Variants in PTPRN2 observed in about 807,000 individuals in gnomAD.
PTPRN2 encodes protein tyrosine phosphatase receptor type N2, also known as receptor-type tyrosine-protein phosphatase N2.
In PTPRN2, 74 loss-of-function variants were observed where a neutral mutation model predicts 118.8. The ratio of observed to expected loss-of-function variants is 0.62; its 90% CI spans 0.52 to 0.76. The LOEUF is 0.76. PTPRN2 is among the 30% of genes least tolerant of loss of function. The pLI is 0.00. For synonymous variants in PTPRN2, 641 were observed against 608.0 expected, an observed-to-expected ratio of 1.05 and a Z score of -0.80; for missense variants, 1,481 against 1,394.4, an observed-to-expected ratio of 1.06 and a Z score of -0.99.
At chr7:158,280,258 G>A (rs539252180) in intron 3 of PTPRN2, among the ~76,000 whole-genome samples, 3 of 152,308 alleles carry the variant, frequency 2.0e-5, no homozygotes, top group Middle Eastern at 3.4e-3. Context: ...GGTCCTCTCC[G>A]GCCTGAAGCT....
intron 17 of PTPRN2, among the ~76,000 whole-genome samples, chr7:157,593,850 CA>C (rs1162094018): frequency 1.3e-5 from 2 of 152,210 alleles, no homozygotes; most frequent in African/African-American, 4.8e-5. Context: ...CAAGTGCCCC[CA>C]AAACCATCCA....
chr7:157,549,692 T>G (rs1422179945), intron 21 of PTPRN2, among the ~76,000 whole-genome samples: 3 of 152,234 alleles, frequency 2.0e-5, no homozygotes, highest in Admixed American at 6.5e-5. Flanking sequence ...ATATTGTTAT[T>G]TTTCCATTTT....
intron 2 of PTPRN2, among the ~76,000 whole-genome samples, chr7:158,320,692 T>C (rs979318877): frequency 1.3e-5 from 2 of 149,020 alleles, no homozygotes; most frequent in African/African-American, 2.4e-5. Flanking sequence ...TTTTCAACAA[T>C]GATATTCATC....
At chr7:158,495,852 T>C (rs1821804225) in intron 1 of PTPRN2, among the ~76,000 whole-genome samples, 1 of 152,082 alleles carries the variant, frequency 6.6e-6, no homozygotes, top group East Asian at 1.9e-4. Flanking sequence ...GGCATCTGGC[T>C]TCTGTGGCCC....
At chr7:157,988,988 G>C (rs1311559662) in intron 11 of PTPRN2, among the ~76,000 whole-genome samples, 2 of 152,196 alleles carry the variant, frequency 1.3e-5, no homozygotes, top group East Asian at 3.9e-4. Context: ...AAAAAGGCAA[G>C]ACCTAAATCC....
At chr7:158,451,036 C>T (rs1360323628) in intron 2 of PTPRN2, among the ~76,000 whole-genome samples, 1 of 152,234 alleles carries the variant, frequency 6.6e-6, no homozygotes, top group Non-Finnish European at 1.5e-5. Flanking sequence ...CCGGTTTTTG[C>T]CCGTCTAGTA....
chr7:158,277,009 G>A (rs1300150065), intron 3 of PTPRN2, among the ~76,000 whole-genome samples: 2 of 152,154 alleles, frequency 1.3e-5, no homozygotes, highest in Admixed American at 1.3e-4. Context: ...GGGGTGGGGG[G>A]CACTGACTGG....
rs79702110 is a variant in PTPRN2 at position 157,549,322 on chromosome 7, C to T, written c.2903-303G>A. ...GTACTGGTTTTCTTTTCTTTCTTTT[C>T]TTTTTTTTTTTTTTTGTGACACTTC... is the stretch of plus-strand genomic sequence containing the variant. On this transcript the variant is annotated intron_variant, in intron 21 of 22. Coordinates refer to ENST00000389418, the MANE Select transcript of PTPRN2 (RefSeq NM_002847.5). Among the ~76,000 whole-genome samples the T allele has an allele frequency of 3.2e-3, 448 of 139,506 alleles. 1 individual carries two copies. Among genetic ancestry groups the T allele is most frequent in the African/African-American group, 0.011 (424 of 38,064 alleles). 91.5% of individuals were successfully genotyped at this position (139,506 alleles called of 152,430 possible). A position where few individuals can be genotyped will look rare whatever the true frequency, so the allele number is the denominator to read the frequency against.
At chr7:158,078,938 C>A (rs1286347421) in intron 11 of PTPRN2, among the ~76,000 whole-genome samples, 1 of 152,192 alleles carries the variant, frequency 6.6e-6, no homozygotes. Flanking sequence ...ACCTCTGCCT[C>A]TTGGGTTTAA....
Position 157,646,131 on chromosome 7 carries a change from G to A in PTPRN2, c.2196+10226C>T, listed in dbSNP as rs540744427. Among the ~76,000 whole-genome samples, 239 of 152,316 alleles carry A rather than the reference G, an allele frequency of 1.6e-3. 3 individuals are homozygous for A. The highest frequency in any genetic ancestry group is 1.6e-3 in the Non-Finnish European group (112 of 68,044). ...CAACTGTTTGCCAGGCACACAGTAG[G>A]CGCTGCCTCCGCATGGCCTTGTGAT... On this transcript the variant is annotated intron_variant, in intron 14 of 22. Transcript: ENST00000389418.
At chr7:157,843,119 C>T (rs1457562467) in intron 12 of PTPRN2, among the ~76,000 whole-genome samples, 2 of 152,214 alleles carry the variant, frequency 1.3e-5, no homozygotes, top group Admixed American at 6.5e-5. Flanking sequence ...CACACCAATA[C>T]TTTACACAGA....
chr7:158,244,808 G>C (rs576769023), intron 3 of PTPRN2, among the ~76,000 whole-genome samples: 1 of 147,062 alleles, frequency 6.8e-6, no homozygotes. Context: ...AGTTGTGTGT[G>C]AGAGTGTGTA....
At chr7:158,340,360 A>T (rs1563173847) in intron 2 of PTPRN2, among the ~76,000 whole-genome samples, 1 of 91,256 alleles carries the variant, frequency 1.1e-5, no homozygotes, top group Admixed American at 1.2e-4. Flanking sequence ...GCTGAGGCCC[A>T]CAGAGGTCAC....
At chr7:158,277,410 C>T (rs1034002584) in intron 3 of PTPRN2, among the ~76,000 whole-genome samples, 1 of 152,284 alleles carries the variant, frequency 6.6e-6, no homozygotes, top group Non-Finnish European at 1.5e-5. Flanking sequence ...CGGGCCCAGG[C>T]CTGATGGAGA....
intron 12 of PTPRN2, among the ~76,000 whole-genome samples, chr7:157,693,118 C>T (rs1337558563): frequency 6.8e-6 from 1 of 147,160 alleles, no homozygotes; most frequent in Non-Finnish European, 1.5e-5. Context: ...ACTCGGGAGC[C>T]GGGGCGGGAA....
chr7:158,514,479 A>G (rs1428759419), intron 1 of PTPRN2, among the ~76,000 whole-genome samples: 1 of 152,174 alleles, frequency 6.6e-6, no homozygotes. Context: ...TCTGTGGTCC[A>G]TGAAAGAGAA....
At chr7:158,232,830 A>G (rs1829253283) in intron 3 of PTPRN2, among the ~76,000 whole-genome samples, 1 of 152,210 alleles carries the variant, frequency 6.6e-6, no homozygotes, top group East Asian at 1.9e-4. Flanking sequence ...ACAAAACTAC[A>G]TGATCATTTC....
At chr7:158,390,192 C>T (rs1563233314) in intron 2 of PTPRN2, among the ~76,000 whole-genome samples, 1 of 152,144 alleles carries the variant, frequency 6.6e-6, no homozygotes, top group Non-Finnish European at 1.5e-5. Flanking sequence ...TCAGAGGCGC[C>T]GTCGCCCTGG....
In PTPRN2 at chr7:157,649,382, G is replaced by A. The variant is rs548790184; in HGVS notation, c.2196+6975C>T. Among the ~76,000 whole-genome samples the A allele has an allele frequency of 1.5e-3, 158 of 106,790 alleles. 1 individual carries two copies. The highest frequency in any genetic ancestry group is 5.0e-3 in the African/African-American group (151 of 30,430). The allele number at this position is 106,790 out of a possible 152,430, so 70.1% of individuals were successfully genotyped here. The stretch of plus-strand genomic sequence containing the variant: ...CAGCGTGCACTGAACTCGGTGGGTC[G>A]GACCCATCCAGCGTGCACTGAACTC... On this transcript the variant is annotated intron_variant, in intron 14 of 22. Transcript: ENST00000389418.
Sources: allele counts gnomAD v4.1 joint callset (sites outside exome capture counted in the v4.1 genomes callset), GRCh38; gene constraint gnomAD v4.1.1; transcripts MANE v1.5; gene names NCBI Gene and HGNC (gene_info 2026-07-23, HGNC 2026-07-21).